Variants in CUL4A observed in about 807,000 individuals in gnomAD.
The protein encoded by CUL4A is cullin 4A, also known as cullin-4A.
In CUL4A, 16 loss-of-function variants were observed where a neutral mutation model predicts 95.5. The observed-to-expected ratio is 0.17, with a 90% CI of 0.11 to 0.25. CUL4A has a LOEUF of 0.25. CUL4A is among the 10% of genes least tolerant of loss of function. The pLI, the probability that CUL4A is intolerant of heterozygous loss-of-function variation, is 1.00. For synonymous variants in CUL4A, 380 were observed against 353.1 expected, an observed-to-expected ratio of 1.08 and a Z score of -0.85; for missense variants, 610 against 937.0, an observed-to-expected ratio of 0.65 and a Z score of 4.56.
At chr13:113,249,118 A>G (rs1223461326) in intron 15 of CUL4A, among the ~76,000 whole-genome samples, 1 of 152,178 alleles carries the variant, frequency 6.6e-6, no homozygotes, top group Non-Finnish European at 1.5e-5. Context: ...GGATTTGTCT[A>G]CATTAGATAG....
chr13:113,256,510 GCA>G (rs1214595467), intron 18 of CUL4A, among the ~76,000 whole-genome samples: 17 of 152,304 alleles, frequency 1.1e-4, no homozygotes, highest in Admixed American at 1.0e-3. Context: ...TTTCACCAGA[GCA>G]CAGTGTCTGC....
intron 3 of CUL4A, among the ~76,000 whole-genome samples, chr13:113,223,720 G>A (rs1171963457): frequency 1.3e-5 from 2 of 152,140 alleles, no homozygotes; most frequent in Admixed American, 1.3e-4. Context: ...GTTATGTACC[G>A]ATTATATTTT....
rs1206604268 is a variant in CUL4A, at chr13:113,233,198, T to G, written c.534T>G (p.Phe178Leu). Residue 178 changes from phenylalanine to leucine, a missense_variant, in exon 6 of 20, where the codon TTT (phenylalanine) becomes TTG (leucine). Coordinates refer to ENST00000375440, the MANE Select transcript of CUL4A (RefSeq NM_001008895.4). ...ACAGGGATATGGGATTAGAACTGTT[T>G]AGAACCCATATTATTAGTGATAAAA... is the stretch of plus-strand genomic sequence containing the variant. ...PSIWDMGLEL[F>L]RTHIISDKMV... 1 of 1,614,122 alleles carries G rather than the reference T, an allele frequency of 6.2e-7. No homozygotes were observed. The highest frequency in any genetic ancestry group is 2.2e-5 in the East Asian group (1 of 44,886).
intron 19 of CUL4A, among the ~76,000 whole-genome samples, chr13:113,261,576 G>T (rs1181743994): frequency 2.0e-5 from 3 of 152,198 alleles, no homozygotes; most frequent in Non-Finnish European, 4.4e-5. Context: ...CAGGTTCACT[G>T]CCCCTTCCTC....
intron 14 of CUL4A, 61 bp downstream of exon 14, chr13:113,245,298 A>C: frequency 8.4e-6 from 12 of 1,430,752 alleles, no homozygotes; most frequent in Non-Finnish European, 1.2e-5. Flanking sequence ...GTGGTGGCTC[A>C]TGCCTGTAAT....
Position 113,260,663 on chromosome 13 carries a change from T to A in CUL4A, c.2088T>A (p.Ile696=). The part of the protein sequence containing the change: ...ERVFQDRQYQ[I]DAAIVRIMKM... ...TGTTTCAGGATAGACAATATCAGAT[T>A]GATGCTGCTATCGTCAGAATAATGA... Residue 696 remains isoleucine (I), a synonymous_variant, in exon 19 of 20, where the codon ATT becomes ATA. Transcript: ENST00000375440. 1 of 1,612,968 alleles carries A rather than the reference T, an allele frequency of 6.2e-7. No homozygotes were observed. Among genetic ancestry groups the A allele is most frequent in the Non-Finnish European group, 8.5e-7 (1 of 1,179,264 alleles).
intron 12 of CUL4A, 29 bp downstream of exon 12, chr13:113,244,543 C>T: frequency 6.5e-7 from 1 of 1,533,462 alleles, no homozygotes; most frequent in South Asian, 1.2e-5. Context: ...GAAAATGCTG[C>T]ATAATCAAGA....
chr13:113,240,915 T>C (rs1286446543), intron 10 of CUL4A, among the ~76,000 whole-genome samples: 1 of 152,178 alleles, frequency 6.6e-6, no homozygotes, highest in Admixed American at 6.5e-5. Context: ...TGGAGGAAAC[T>C]GTGGAAATAA....
intron 5 of CUL4A, among the ~76,000 whole-genome samples, chr13:113,230,426 T>C (rs77854767): frequency 6.6e-6 from 1 of 152,204 alleles, no homozygotes; most frequent in Non-Finnish European, 1.5e-5. Flanking sequence ...CCTGTCCTTG[T>C]TGAAGCTCCC....
upstream of CUL4A, chr13:113,209,504 C>T: frequency 1.9e-6 from 1 of 518,362 alleles, no homozygotes; most frequent in Non-Finnish European, 2.4e-6. Flanking sequence ...GGCTCGGGCA[C>T]GCGGGCGGGG....
At chr13:113,237,904 A>G (rs949296677) in intron 9 of CUL4A, among the ~76,000 whole-genome samples, 3 of 152,222 alleles carry the variant, frequency 2.0e-5, no homozygotes, top group African/African-American at 4.8e-5. Context: ...CTTGATGTGA[A>G]TATCTTTTCA....
intron 6 of CUL4A, 85 bp from the exon 7 acceptor site, chr13:113,233,812 G>T (rs555137835): frequency 1.2e-6 from 1 of 850,866 alleles, no homozygotes; most frequent in African/African-American, 1.7e-5. Context: ...ATGGCAGCCT[G>T]CCCCGTCAGA....
At chr13:113,244,540 C>T in intron 12 of CUL4A, 26 bp downstream of exon 12, 1 of 1,549,372 alleles carries the variant, frequency 6.5e-7, no homozygotes, top group Non-Finnish European at 8.9e-7. Context: ...TCAGAAAATG[C>T]TGCATAATCA....
chr13:113,249,343 C>T (rs1306745593), intron 15 of CUL4A, among the ~76,000 whole-genome samples: 3 of 151,852 alleles, frequency 2.0e-5, no homozygotes, highest in African/African-American at 7.3e-5. Context: ...TTATTCCATC[C>T]GTGCTGTGCC....
chr13:113,218,316 G>T (rs1401566237), intron 2 of CUL4A, among the ~76,000 whole-genome samples: 1 of 152,158 alleles, frequency 6.6e-6, no homozygotes, highest in Non-Finnish European at 1.5e-5. Flanking sequence ...AAACTGAAGT[G>T]AATTACACAT....
chr13:113,236,737 CAT>C (rs1260959374), intron 8 of CUL4A, 84 bp from the exon 9 acceptor site: 6 of 870,066 alleles, frequency 6.9e-6, no homozygotes, highest in Admixed American at 6.5e-5. Context: ...CTGCATCTGT[CAT>C]AGACAAATGC....
intron 15 of CUL4A, among the ~76,000 whole-genome samples, chr13:113,251,673 C>A (rs777980765): frequency 3.2e-4 from 49 of 152,108 alleles, no homozygotes; most frequent in African/African-American, 1.1e-3. Flanking sequence ...TCCCTGCTCC[C>A]GTCATGTGAA....
At chr13:113,251,614 A>G (rs1261113479) in intron 15 of CUL4A, among the ~76,000 whole-genome samples, 1 of 152,214 alleles carries the variant, frequency 6.6e-6, no homozygotes, top group South Asian at 2.1e-4. Context: ...GTGAGTTCTC[A>G]TGAGATCTGG....
intron 5 of CUL4A, chr13:113,230,099 A>G (rs1306527612): frequency 5.7e-6 from 1 of 175,122 alleles, no homozygotes; most frequent in East Asian, 1.5e-4. Flanking sequence ...CGCCTCCTGC[A>G]AGCCGACTTT....
Sources: allele counts gnomAD v4.1 joint callset (sites outside exome capture counted in the v4.1 genomes callset), GRCh38; gene constraint gnomAD v4.1.1; transcripts MANE v1.5; gene names NCBI Gene and HGNC (gene_info 2026-07-23, HGNC 2026-07-21).